ERO1B: variants seen among roughly 807,000 people sequenced by gnomAD.
ERO1B encodes the protein ERO1-like protein beta.
In ERO1B, 49 loss-of-function variants were observed where a neutral mutation model predicts 75.3. The observed-to-expected ratio is 0.65, with a 90% confidence interval of 0.52 to 0.83. ERO1B has a LOEUF of 0.83. Ranked by LOEUF, ERO1B falls within the 40% of genes least tolerant of loss-of-function variation. The pLI is 0.00. For synonymous variants in ERO1B, 191 were observed against 192.9 expected (o/e 0.99, Z 0.08); for missense variants, 512 against 560.1 (o/e 0.91, Z 0.87).
intron 6 of ERO1B, among the ~76,000 whole-genome samples, chr1:236,240,742 G>A (rs545866484): frequency 6.6e-6 from 1 of 152,208 alleles, no homozygotes; most frequent in South Asian, 2.1e-4. Flanking sequence ...CAAAAACAAA[G>A]CCCTTGCCCT....
At chr1:236,240,608 T>C (rs1231195709) in intron 6 of ERO1B, among the ~76,000 whole-genome samples, 1 of 152,096 alleles carries the variant, frequency 6.6e-6, no homozygotes, top group Non-Finnish European at 1.5e-5. Flanking sequence ...AGGGAAAAAA[T>C]AAAACTAAAA....
In ERO1B at chr1:236,216,139, TGAAG is replaced by T; in HGVS notation, c.*2373_*2376del. On this transcript the variant is annotated 3_prime_UTR_variant, in exon 16 of 16. Transcript: ENST00000354619. ...TAAGTAAAAAATAAACTTACGCCAT[TGAAG>T]GAAGGAATATTTTCCTTTTCTTCAT... 6.6e-6 allele frequency: 1 copy of T among 152,144 alleles called. No individual in the cohort carries two copies. Among genetic ancestry groups the T allele is most frequent in the Non-Finnish European group, 1.5e-5 (1 of 68,002 alleles). The allele number at this position is 152,144 out of a possible 1,614,324, so 9.4% of individuals were successfully genotyped here.
intron 2 of ERO1B, among the ~76,000 whole-genome samples, chr1:236,269,325 T>C (rs775519197): frequency 3.3e-5 from 5 of 152,266 alleles, no homozygotes; most frequent in Non-Finnish European, 5.9e-5. Context: ...CTTACTGCTA[T>C]ATTTAAAGAT....
intron 1 of ERO1B, among the ~76,000 whole-genome samples, chr1:236,270,226 T>C (rs1051456032): frequency 6.6e-6 from 1 of 152,194 alleles, no homozygotes; most frequent in African/African-American, 2.4e-5. Flanking sequence ...TTGAAGAGTA[T>C]TGAATTCTCC....
intron 2 of ERO1B, among the ~76,000 whole-genome samples, chr1:236,254,929 T>C (rs1171207656): frequency 3.3e-5 from 5 of 151,042 alleles, no homozygotes; most frequent in African/African-American, 9.7e-5. Context: ...TATCTTTTTT[T>C]TTTTCTTTTT....
intron 2 of ERO1B, among the ~76,000 whole-genome samples, chr1:236,269,313 G>A (rs1339614843): frequency 6.6e-6 from 1 of 152,148 alleles, no homozygotes; most frequent in Non-Finnish European, 1.5e-5. Context: ...TTTGAATATT[G>A]CCTTACTGCT....
intron 2 of ERO1B, among the ~76,000 whole-genome samples, chr1:236,264,522 T>A (rs770376904): frequency 1.3e-5 from 2 of 152,116 alleles, no homozygotes; most frequent in African/African-American, 2.4e-5. Context: ...GGGCATAGAA[T>A]GTGGAGTAAT....
chr1:236,236,426 A>T (rs774882368), intron 6 of ERO1B, 28 bp from the exon 7 acceptor site: 36 of 1,610,718 alleles, frequency 2.2e-5, no homozygotes, highest in Non-Finnish European at 2.9e-5. Context: ...CATAAAAACC[A>T]TCCATATTTC....
Position 236,226,714 on chromosome 1 carries a change from G to A in ERO1B, c.738C>T (p.Phe246=), listed in dbSNP as rs1391349933. 1.9e-6 allele frequency: 3 copies of A among 1,611,530 alleles called. No homozygotes were observed. The highest frequency in any genetic ancestry group is 1.1e-5 in the South Asian group (1 of 90,202). ...CATGAAGTCCCGATATAAGCTTATA[G>A]AAGACTCTTTTCTCCAGACACAAAC... ...LEGLCLEKRV[F]YKLISGLHAS... Residue 246 remains phenylalanine, a synonymous_variant, in exon 11 of 16, where the codon TTC becomes TTT. Coordinates refer to ENST00000354619, the MANE Select transcript of ERO1B (RefSeq NM_019891.4).
At chr1:236,234,436 A>G (rs1664489253) in intron 8 of ERO1B, among the ~76,000 whole-genome samples, 1 of 152,264 alleles carries the variant, frequency 6.6e-6, no homozygotes, top group South Asian at 2.1e-4. Context: ...GTACTATGGA[A>G]TAGAAGAGCT....
chr1:236,272,280 G>A (rs1278072617), intron 1 of ERO1B, among the ~76,000 whole-genome samples: 1 of 152,092 alleles, frequency 6.6e-6, no homozygotes, highest in African/African-American at 2.4e-5. Context: ...ACTATTCACA[G>A]TACTGAAGTC....
intron 6 of ERO1B, among the ~76,000 whole-genome samples, chr1:236,239,953 G>C (rs1664657385): frequency 6.8e-6 from 1 of 147,350 alleles, no homozygotes; most frequent in South Asian, 2.1e-4. Context: ...TGAGCAGTGG[G>C]GAGTGCAATG....
At chr1:236,226,760 A>G (rs555454566) in intron 10 of ERO1B, 21 bp from the exon 11 acceptor site, 2 of 1,571,878 alleles carry the variant, frequency 1.3e-6, no homozygotes, top group African/African-American at 2.7e-5. Flanking sequence ...AAATATTGAA[A>G]AAGAAATTAC....
At chr1:236,259,997 C>G (rs1665257321) in intron 2 of ERO1B, among the ~76,000 whole-genome samples, 2 of 152,226 alleles carry the variant, frequency 1.3e-5, no homozygotes, top group African/African-American at 2.4e-5. Context: ...CAAGTCTTAA[C>G]AAATTTAAGA....
At chr1:236,234,080 T>C (rs1664480489) in intron 8 of ERO1B, among the ~76,000 whole-genome samples, 1 of 152,224 alleles carries the variant, frequency 6.6e-6, no homozygotes, top group African/African-American at 2.4e-5. Context: ...TAAAGAACTA[T>C]TAATCAACCA....
chr1:236,265,650 C>A (rs1665417805), intron 2 of ERO1B, among the ~76,000 whole-genome samples: 1 of 152,156 alleles, frequency 6.6e-6, no homozygotes, highest in Non-Finnish European at 1.5e-5. Flanking sequence ...ACAAAAATCC[C>A]TTCAGTAGTT....
rs951407656 is a variant in ERO1B at position 236,216,782 on chromosome 1, T to C, written c.*1734A>G. ...TTTCACATCTTAAACTCTGAGTGAA[T>C]ACTAAGAATAATTCTTACTAATTTA... On this transcript the variant is annotated 3_prime_UTR_variant, in exon 16 of 16. Coordinates refer to ENST00000354619, the MANE Select transcript of ERO1B (RefSeq NM_019891.4). 1.3e-5 allele frequency: 2 copies of C among 152,080 alleles called. No individual in the cohort carries two copies. Among genetic ancestry groups the C allele is most frequent in the African/African-American group, 4.8e-5 (2 of 41,434 alleles). The allele number at this position is 152,080 out of a possible 1,614,324, so 9.4% of individuals were successfully genotyped here.
At chr1:236,255,806 A>G (rs1239440867) in intron 2 of ERO1B, among the ~76,000 whole-genome samples, 2 of 152,158 alleles carry the variant, frequency 1.3e-5, no homozygotes, top group Non-Finnish European at 2.9e-5. Flanking sequence ...CTGTATACCC[A>G]CCTGCTTCCT....
chr1:236,247,470 T>C (rs1306424324), intron 5 of ERO1B, among the ~76,000 whole-genome samples: 1 of 152,212 alleles, frequency 6.6e-6, no homozygotes, highest in East Asian at 1.9e-4. Flanking sequence ...ATCCAGAACC[T>C]GACCGCTTCT....
Sources: allele counts gnomAD v4.1 joint callset (sites outside exome capture counted in the v4.1 genomes callset), GRCh38; gene constraint gnomAD v4.1.1; transcripts MANE v1.5; gene names NCBI Gene and HGNC (gene_info 2026-07-23, HGNC 2026-07-21).